CCDC183: variants seen among roughly 807,000 people sequenced by gnomAD.
The protein encoded by CCDC183 is coiled-coil domain containing 183, also known as coiled-coil domain-containing protein 183.
CCDC183 carries 63 observed loss-of-function variants against 65.2 expected under a neutral mutation model. The observed-to-expected ratio is 0.97, with a 90% CI of 0.79 to 1.19. The LOEUF is 1.19. CCDC183 is among the 50% of genes most tolerant of loss of function. The probability of loss-of-function intolerance (pLI) is 0.00; values close to 1 mark genes in which losing one functional copy is unlikely to be tolerated. For missense variants in CCDC183, 769 were observed against 689.3 expected (o/e 1.12, Z -1.30); for synonymous variants, 323 against 276.5 (o/e 1.17, Z -1.67).
intron 5 of CCDC183, among the ~76,000 whole-genome samples, chr9:136,801,469 G>A (rs544163469): frequency 6.6e-6 from 1 of 152,252 alleles, no homozygotes; most frequent in East Asian, 1.9e-4. Flanking sequence ...ACTTTGGGAG[G>A]CCAAGGCAGG....
intron 9 of CCDC183, 75 bp downstream of exon 9, chr9:136,805,532 ACT>A (rs1847828610): frequency 7.6e-7 from 1 of 1,312,240 alleles, no homozygotes; most frequent in Admixed American, 1.9e-5. Flanking sequence ...GCTCCCTGGC[ACT>A]CCCGGAGCAT....
rs112375486 is a variant in CCDC183 at position 136,800,507 on chromosome 9, C to T, written c.543+14C>T. The T allele has an allele frequency of 2.5e-6, 4 of 1,583,164 alleles. No individual in the cohort carries two copies. The highest frequency in any genetic ancestry group is 2.7e-5 in the African/African-American group (2 of 74,236). ...TATCTGAAGACAGTGAGCCCAGCGG[C>T]CCGGGAAGGGCGGGGGTCAGGGGCT... On this transcript the variant is annotated intron_variant, in intron 5 of 13. Transcript: ENST00000338005.
chr9:136,799,668 G>A, intron 2 of CCDC183, 45 bp from the exon 3 acceptor site: 6 of 1,558,978 alleles, frequency 3.8e-6, no homozygotes, highest in Non-Finnish European at 5.3e-6. Flanking sequence ...AGCGGCTGCG[G>A]GTGCGCAAAG....
intron 6 of CCDC183, among the ~76,000 whole-genome samples, chr9:136,803,414 G>A (rs1173960607): frequency 6.6e-6 from 1 of 152,194 alleles, no homozygotes; most frequent in Non-Finnish European, 1.5e-5. Flanking sequence ...TCACCCACTG[G>A]ACAGAGCAGG....
chr9:136,802,537 G>T (rs1483099121), intron 5 of CCDC183, 127 bp from the exon 6 acceptor site: 29 of 1,324,306 alleles, frequency 2.2e-5, no homozygotes, highest in Non-Finnish European at 2.8e-5. Flanking sequence ...AGCGGGGAGT[G>T]GGGGAGGTGG....
intron 1 of CCDC183, among the ~76,000 whole-genome samples, chr9:136,798,540 G>A (rs1403029501): frequency 1.7e-4 from 25 of 150,280 alleles, no homozygotes; most frequent in Middle Eastern, 3.6e-3. Flanking sequence ...CAGGTGATCC[G>A]CCCACTTCGG....
intron 1 of CCDC183, among the ~76,000 whole-genome samples, chr9:136,798,717 A>G (rs966301811): frequency 1.3e-5 from 2 of 152,198 alleles, no homozygotes; most frequent in African/African-American, 4.8e-5. Context: ...TGGAGGGACT[A>G]AATCAGAGAG....
intron 9 of CCDC183, 55 bp from the exon 10 acceptor site, chr9:136,806,023 C>A (rs1847839673): frequency 6.9e-7 from 1 of 1,455,824 alleles, no homozygotes; most frequent in African/African-American, 1.4e-5. Context: ...CTGTGAAGCC[C>A]CCTCTGCCCA....
In CCDC183 at chr9:136,806,068, G is replaced by A; in HGVS notation, c.949-10G>A. 1.3e-6 allele frequency: 2 copies of A among 1,548,282 alleles called. No homozygotes were observed. The highest frequency in any genetic ancestry group is 1.7e-6 in the Non-Finnish European group (2 of 1,146,554). On this transcript the variant is annotated splice_polypyrimidine_tract_variant and intron_variant, in intron 9 of 13. Transcript: ENST00000338005. The stretch of plus-strand genomic sequence containing the variant: ...CCCACACCTGCTTCTCTCTCCCCCG[G>A]ACTGGCCAGGACATCACTAGCCGCT...
intron 1 of CCDC183, among the ~76,000 whole-genome samples, chr9:136,796,710 C>T (rs1238010287): frequency 1.3e-5 from 2 of 152,170 alleles, no homozygotes; most frequent in Non-Finnish European, 2.9e-5. Context: ...AAGATTAATG[C>T]ATTTAGGGCC....
chr9:136,801,703 C>G (rs1847739241), intron 5 of CCDC183, among the ~76,000 whole-genome samples: 1 of 152,140 alleles, frequency 6.6e-6, no homozygotes, highest in South Asian at 2.1e-4. Flanking sequence ...GAGATTCAGT[C>G]TCAGAACAAA....
At chr9:136,801,183 C>T (rs763319813) in intron 5 of CCDC183, among the ~76,000 whole-genome samples, 1 of 151,996 alleles carries the variant, frequency 6.6e-6, no homozygotes, top group Non-Finnish European at 1.5e-5. Flanking sequence ...GAGGCTGCAT[C>T]GCAGCTCTTT....
chr9:136,802,568 C>G, intron 5 of CCDC183, 96 bp from the exon 6 acceptor site: 1 of 1,489,476 alleles, frequency 6.7e-7, no homozygotes, highest in South Asian at 1.3e-5. Flanking sequence ...AGAGGAGAAC[C>G]TATCACTGTT....
In CCDC183 at chr9:136,800,064, C is replaced by G; in HGVS notation, c.333C>G (p.Ile111Met). The G allele has an allele frequency of 1.3e-6, 2 of 1,583,492 alleles. No homozygotes were observed. Among genetic ancestry groups the G allele is most frequent in the Non-Finnish European group, 1.7e-6 (2 of 1,165,840 alleles). ...FDRVNMHNLLIHLVRRRGQKL... is the reference protein window; with the variant it reads ...FDRVNMHNLLMHLVRRRGQKL... ...GCGTGAACATGCACAACCTACTGAT[C>G]CACCTGGTGCGGCGGCGCGGGCAGA... Residue 111 changes from isoleucine (I) to methionine (M), a missense_variant, in exon 4 of 14, where the codon ATC becomes ATG. Ile to Met is a conservative substitution (Grantham distance 10, BLOSUM62 1). Transcript: ENST00000338005.
chr9:136,803,248 C>T lies in CCDC183; in HGVS notation c.666+462C>T, dbSNP rs1004560063. ...CCCAGGGCCAGCCCTCTTGGATCTTCGGATGGGGTCAAGGTGAGCTCAGGG... is the reference window on the plus strand; with the variant it reads ...CCCAGGGCCAGCCCTCTTGGATCTTTGGATGGGGTCAAGGTGAGCTCAGGG... On this transcript the variant is annotated intron_variant, in intron 6 of 13. Coordinates refer to ENST00000338005, the MANE Select transcript of CCDC183 (RefSeq NM_001039374.5). Among the ~76,000 whole-genome samples, 4 of 96,162 alleles carry T rather than the reference C, an allele frequency of 4.2e-5. 1 individual carries two copies. The highest frequency in any genetic ancestry group is 8.9e-5 in the African/African-American group (2 of 22,512). The allele number at this position is 96,162 out of a possible 152,430, so 63.1% of individuals were successfully genotyped here.
intron 5 of CCDC183, among the ~76,000 whole-genome samples, chr9:136,802,380 C>T (rs1476532035): frequency 2.0e-5 from 3 of 152,220 alleles, no homozygotes; most frequent in African/African-American, 7.2e-5. Flanking sequence ...CCCCAAACCT[C>T]CCCGGGTTTC....
Position 136,799,807 on chromosome 9 carries a change from G to C in CCDC183, c.270+17G>C. On this transcript the variant is annotated intron_variant, in intron 3 of 13. Transcript: ENST00000338005. ...ACCATGGAGGTAACCAGGCAGGAGG[G>C]GCCTCGAGACCCAACCCTCCCCACC... 6.2e-7 allele frequency: 1 copy of C among 1,609,690 alleles called. No homozygotes were observed. Among genetic ancestry groups the C allele is most frequent in the Non-Finnish European group, 8.5e-7 (1 of 1,177,572 alleles).
At chr9:136,802,540 G>C in intron 5 of CCDC183, 124 bp from the exon 6 acceptor site, 9 of 1,336,344 alleles carry the variant, frequency 6.7e-6, no homozygotes, top group African/African-American at 1.5e-5. Context: ...GGGGAGTGGG[G>C]GAGGTGGCTG....
At chr9:136,798,849 C>T (rs1422461262) in intron 1 of CCDC183, among the ~76,000 whole-genome samples, 2 of 152,232 alleles carry the variant, frequency 1.3e-5, no homozygotes, top group Non-Finnish European at 2.9e-5. Context: ...CCCTGCCATC[C>T]CTCTCCTTTG....
Sources: gnomAD v4.1 joint callset for allele counts (sites outside exome capture counted in the v4.1 genomes callset) on GRCh38, gnomAD v4.1.1 for gene constraint, MANE v1.5 for transcripts, NCBI Gene and HGNC (gene_info 2026-07-23, HGNC 2026-07-21) for gene names.